The following SYNPR variants were observed in gnomAD, a reference collection of about 807,000 sequenced individuals.
SYNPR encodes the protein synaptoporin.
SYNPR carries 23 observed loss-of-function variants against 32.9 expected under a neutral mutation model. The observed-to-expected ratio is 0.70, with a 90% CI of 0.50 to 0.99. The LOEUF (loss-of-function observed/expected upper bound fraction) is 0.99. SYNPR is among the 50% of genes least tolerant of loss of function. SYNPR has a pLI of 0.00. For missense variants in SYNPR, 318 were observed against 349.3 expected (o/e 0.91, Z 0.71); for synonymous variants, 146 against 135.9 (o/e 1.07, Z -0.52).
rs1015997914 is a variant in SYNPR at position 63,286,998 on chromosome 3, G to A, written c.84+8256G>A. Among the ~76,000 whole-genome samples the A allele has an allele frequency of 2.0e-5, 3 of 152,294 alleles. No homozygotes were observed. In the South Asian group the frequency reaches 6.2e-4, roughly 32 times the overall value. On this transcript the variant is annotated intron_variant, in intron 2 of 5. Coordinates refer to ENST00000478300, the MANE Select transcript of SYNPR (RefSeq NM_001130003.2). ...GCACAGGGTGAGGTGTGAAGTGTAA[G>A]AACTTGATCTCTGTTCCCTAAGGAA...
chr3:63,536,947 T>C (rs1475471920), intron 3 of SYNPR, among the ~76,000 whole-genome samples: 1 of 152,050 alleles, frequency 6.6e-6, no homozygotes, highest in Non-Finnish European at 1.5e-5. Context: ...GAGGGATGAA[T>C]GAATGGGATA....
chr3:63,538,427 G>T (rs931615890), intron 3 of SYNPR, among the ~76,000 whole-genome samples: 2 of 151,914 alleles, frequency 1.3e-5, no homozygotes, highest in African/African-American at 4.8e-5. Flanking sequence ...ATTCTCGGTG[G>T]AGTCAGAACT....
At chr3:63,311,988 T>G (rs760507871) in intron 2 of SYNPR, among the ~76,000 whole-genome samples, 5 of 151,984 alleles carry the variant, frequency 3.3e-5, no homozygotes, top group Non-Finnish European at 7.4e-5. Context: ...TTTCTTCATC[T>G]TTAAAGGAGA....
At chr3:63,527,432 C>A (rs1386612983) in intron 3 of SYNPR, among the ~76,000 whole-genome samples, 1 of 151,846 alleles carries the variant, frequency 6.6e-6, no homozygotes, top group Non-Finnish European at 1.5e-5. Context: ...AATAAATATG[C>A]AAGCAGCAAT....
Position 63,501,430 on chromosome 3 carries a change from G to GT in SYNPR, c.209+20477dup, listed in dbSNP as rs1174324274. ...GGAGGTTAATGCTGCAGTAAGCTGA[G>GT]TTTCTGTTAGTGCTCTCCAGCCTAG... On this transcript the variant is annotated intron_variant, in intron 3 of 5. Coordinates refer to ENST00000478300, the MANE Select transcript of SYNPR (RefSeq NM_001130003.2). Among the ~76,000 whole-genome samples, 11 of 141,270 alleles carry GT rather than the reference G, an allele frequency of 7.8e-5. 1 individual carries two copies. The highest frequency in any genetic ancestry group is 1.5e-4 in the Non-Finnish European group (10 of 66,348). The allele number at this position is 141,270 out of a possible 152,430, so 92.7% of individuals were successfully genotyped here.
At chr3:63,263,986 T>C (rs987793819) in intron 2 of SYNPR, among the ~76,000 whole-genome samples, 1 of 152,100 alleles carries the variant, frequency 6.6e-6, no homozygotes, top group South Asian at 2.1e-4. Flanking sequence ...TACATCCCAA[T>C]ATTACAAACA....
At chr3:63,580,598 A>G (rs1703073285) in intron 4 of SYNPR, among the ~76,000 whole-genome samples, 1 of 152,144 alleles carries the variant, frequency 6.6e-6, no homozygotes, top group Admixed American at 6.6e-5. Flanking sequence ...AGTCAGATAC[A>G]GATACAGTTC....
chr3:63,434,615 T>C (rs1192753288), intron 2 of SYNPR, among the ~76,000 whole-genome samples: 1 of 152,230 alleles, frequency 6.6e-6, no homozygotes, highest in Non-Finnish European at 1.5e-5. Flanking sequence ...ACAAGATTCT[T>C]GTAAAAACTG....
chr3:63,237,156 A>G (rs2086206493), intron 1 of SYNPR, among the ~76,000 whole-genome samples: 1 of 152,038 alleles, frequency 6.6e-6, no homozygotes. Context: ...TACGATCATG[A>G]TTTGACTTGT....
At chr3:63,329,689 A>G (rs965142026) in intron 2 of SYNPR, among the ~76,000 whole-genome samples, 6 of 152,184 alleles carry the variant, frequency 3.9e-5, no homozygotes, top group Non-Finnish European at 4.4e-5. Context: ...TCTCTGGGTA[A>G]TAAATCATAT....
intron 2 of SYNPR, among the ~76,000 whole-genome samples, chr3:63,320,679 T>C (rs1321462580): frequency 2.6e-5 from 4 of 152,026 alleles, no homozygotes; most frequent in East Asian, 1.9e-4. Context: ...TATTAACTCA[T>C]TGGGGTAATA....
At chr3:63,430,884 A>G (rs969892945) in intron 2 of SYNPR, among the ~76,000 whole-genome samples, 3 of 152,210 alleles carry the variant, frequency 2.0e-5, no homozygotes, top group African/African-American at 7.2e-5. Context: ...TAAGTGTTCC[A>G]TGAGTATCAG....
intron 2 of SYNPR, among the ~76,000 whole-genome samples, chr3:63,358,068 A>G (rs908924042): frequency 9.2e-5 from 14 of 152,240 alleles, no homozygotes; most frequent in African/African-American, 3.1e-4. Flanking sequence ...AGGGTGCCAC[A>G]TTCAATGGTA....
chr3:63,369,186 G>T (rs1238522599), intron 2 of SYNPR, among the ~76,000 whole-genome samples: 2 of 152,170 alleles, frequency 1.3e-5, no homozygotes, highest in Non-Finnish European at 2.9e-5. Context: ...ACAAAAGGCG[G>T]CCATGTGAAG....
At chr3:63,290,708 T>G (rs1437653186) in intron 2 of SYNPR, among the ~76,000 whole-genome samples, 1 of 152,096 alleles carries the variant, frequency 6.6e-6, no homozygotes, top group African/African-American at 2.4e-5. Flanking sequence ...ATTATGAACA[T>G]CCAAATTCCT....
chr3:63,271,696 G>A (rs2086536412), intron 3 of SYNPR, among the ~76,000 whole-genome samples: 1 of 151,760 alleles, frequency 6.6e-6, no homozygotes, highest in African/African-American at 2.4e-5. Context: ...TTTAAGAAAA[G>A]CATAAAAAAC....
intron 2 of SYNPR, among the ~76,000 whole-genome samples, chr3:63,415,998 A>G (rs1031034126): frequency 6.6e-6 from 1 of 152,212 alleles, no homozygotes; most frequent in Non-Finnish European, 1.5e-5. Context: ...ATGATTACAA[A>G]CAAGGCATCT....
chr3:63,332,237 C>T (rs1166050434), intron 2 of SYNPR, among the ~76,000 whole-genome samples: 2 of 152,156 alleles, frequency 1.3e-5, no homozygotes, highest in Non-Finnish European at 2.9e-5. Flanking sequence ...CTCTTTACTC[C>T]CTACCCTAGC....
At chr3:63,267,982 G>A (rs2106906551) in intron 3 of SYNPR, among the ~76,000 whole-genome samples, 1 of 152,244 alleles carries the variant, frequency 6.6e-6, no homozygotes, top group South Asian at 2.1e-4. Context: ...TTTTAAAACA[G>A]TTCATAACTT....
Sources: gnomAD v4.1 joint callset for allele counts (sites outside exome capture counted in the v4.1 genomes callset) on GRCh38, gnomAD v4.1.1 for gene constraint, MANE v1.5 for transcripts, NCBI Gene and HGNC (gene_info 2026-07-23, HGNC 2026-07-21) for gene names.